AMPH: variants seen among roughly 807,000 people sequenced by gnomAD.
AMPH encodes amphiphysin (Stiff-Mann syndrome with breast cancer 128kD autoantigen).
A neutral mutation model predicts 99.1 loss-of-function variants in AMPH; 49 were observed. The observed-to-expected ratio is 0.49, with a 90% CI of 0.39 to 0.63. The LOEUF is 0.63. AMPH is among the 20% of genes least tolerant of loss of function. AMPH has a pLI of 0.00. For missense variants in AMPH, 759 were observed against 863.4 expected, an observed-to-expected ratio of 0.88 and a Z score of 1.52; for synonymous variants, 314 against 317.3, an observed-to-expected ratio of 0.99 and a Z score of 0.11.
intron 1 of AMPH, among the ~76,000 whole-genome samples, chr7:38,573,827 A>G (rs1792134920): frequency 6.6e-6 from 1 of 152,210 alleles, no homozygotes; most frequent in Admixed American, 6.5e-5. Flanking sequence ...TGTGCCAAAT[A>G]TTGTTTTAGA....
At chr7:38,457,960 ATG>A (rs1787296863) in intron 11 of AMPH, among the ~76,000 whole-genome samples, 1 of 152,154 alleles carries the variant, frequency 6.6e-6, no homozygotes, top group African/African-American at 2.4e-5. Context: ...TCACATATAT[ATG>A]TCATACAATG....
chr7:38,451,148 C>A (rs1786998963), intron 11 of AMPH, among the ~76,000 whole-genome samples: 1 of 151,584 alleles, frequency 6.6e-6, no homozygotes, highest in Non-Finnish European at 1.5e-5. Flanking sequence ...CTGCTTTGGC[C>A]TCCCAAAGTG....
chr7:38,558,967 A>G (rs1251478073), intron 1 of AMPH, among the ~76,000 whole-genome samples: 1 of 152,242 alleles, frequency 6.6e-6, no homozygotes, highest in Non-Finnish European at 1.5e-5. Context: ...GCAACATACC[A>G]AACAGGAAAC....
At chr7:38,432,532 A>C (rs1443754877) in intron 12 of AMPH, among the ~76,000 whole-genome samples, 1 of 151,920 alleles carries the variant, frequency 6.6e-6, no homozygotes, top group Non-Finnish European at 1.5e-5. Context: ...ATCAATCTCA[A>C]CTTTCACTAT....
At chr7:38,408,471 C>A (rs1397744461) in intron 17 of AMPH, among the ~76,000 whole-genome samples, 1 of 152,114 alleles carries the variant, frequency 6.6e-6, no homozygotes, top group Non-Finnish European at 1.5e-5. Context: ...AATTTCTCCA[C>A]ATTACTTAGG....
chr7:38,553,837 C>A (rs1464761279), intron 1 of AMPH, among the ~76,000 whole-genome samples: 1 of 152,210 alleles, frequency 6.6e-6, no homozygotes, highest in Non-Finnish European at 1.5e-5. Context: ...ACCCTGCAGG[C>A]TAAAAAAGAG....
At position 38,390,961 on chromosome 7, in the gene AMPH, C is replaced by CAGAGAGAGAG. The variant is rs199667568; in HGVS notation, c.1878+777_1878+786dup. Among the ~76,000 whole-genome samples the CAGAGAGAGAG allele has an allele frequency of 4.3e-4, 55 of 129,268 alleles. 1 individual carries two copies. The highest frequency in any genetic ancestry group is 2.3e-3 in the South Asian group (8 of 3,494). The allele number at this position is 129,268 out of a possible 152,430, so 84.8% of individuals were successfully genotyped here. On this transcript the variant is annotated intron_variant, in intron 19 of 20. Transcript: ENST00000356264. ...ACTTTCTAATGGAGAGAGACAAAGA[C>CAGAGAGAGAG]AGAGAGAGAGAGAGAGAGAGAGAGA...
chr7:38,581,623 G>A (rs1792467737), intron 1 of AMPH, among the ~76,000 whole-genome samples: 1 of 152,206 alleles, frequency 6.6e-6, no homozygotes, highest in Admixed American at 6.5e-5. Context: ...ACTGATGGCT[G>A]TGTGAAGAAG....
intron 2 of AMPH, among the ~76,000 whole-genome samples, chr7:38,526,433 C>CTTTTTT (rs33974810): frequency 0.013 from 924 of 72,570 alleles, 145 homozygotes; most frequent in African/African-American, 0.048. Context: ...CCATGCCCGG[C>CTTTTTT]TTTTTTTTTT....
intron 1 of AMPH, among the ~76,000 whole-genome samples, chr7:38,555,055 C>G (rs1197655477): frequency 6.6e-6 from 1 of 152,140 alleles, no homozygotes; most frequent in Non-Finnish European, 1.5e-5. Context: ...GAAAGAAACC[C>G]TTTCCTTGAA....
At chr7:38,521,619 C>T (rs1273964240) in intron 2 of AMPH, among the ~76,000 whole-genome samples, 1 of 151,850 alleles carries the variant, frequency 6.6e-6, no homozygotes, top group African/African-American at 2.4e-5. Context: ...TTGAGTAGAA[C>T]ATACCCCTCC....
intron 11 of AMPH, among the ~76,000 whole-genome samples, chr7:38,459,962 C>T (rs1787378610): frequency 6.6e-6 from 1 of 151,862 alleles, no homozygotes; most frequent in Non-Finnish European, 1.5e-5. Flanking sequence ...GAATAATATT[C>T]AGAATGTACA....
At chr7:38,610,919 A>C (rs984491106) in intron 1 of AMPH, among the ~76,000 whole-genome samples, 37 of 152,218 alleles carry the variant, frequency 2.4e-4, no homozygotes, top group Non-Finnish European at 1.0e-4. Context: ...TGGTACCCAG[A>C]CATTAGATCA....
At chr7:38,475,467 C>T (rs1259547368) in intron 6 of AMPH, 51 bp from the exon 7 acceptor site, 3 of 1,167,982 alleles carry the variant, frequency 2.6e-6, no homozygotes, top group Admixed American at 1.8e-5. Flanking sequence ...CATTTCTATA[C>T]ACAACAGCAT....
At chr7:38,498,727 A>G (rs186663550) in intron 3 of AMPH, among the ~76,000 whole-genome samples, 1 of 152,314 alleles carries the variant, frequency 6.6e-6, no homozygotes, top group Non-Finnish European at 1.5e-5. Context: ...ATTTTTCTAA[A>G]ATGCTAATCT....
At chr7:38,599,556 G>C (rs1173608666) in intron 1 of AMPH, among the ~76,000 whole-genome samples, 2 of 152,130 alleles carry the variant, frequency 1.3e-5, no homozygotes, top group Non-Finnish European at 2.9e-5. Context: ...TTAACAGTAG[G>C]CTATTAGTAA....
At chr7:38,536,423 CA>C (rs1790601832) in intron 1 of AMPH, among the ~76,000 whole-genome samples, 1 of 152,090 alleles carries the variant, frequency 6.6e-6, no homozygotes, top group Non-Finnish European at 1.5e-5. Context: ...AGTAGTTACC[CA>C]ATAAGTCAGA....
chr7:38,522,230 T>G (rs1202437116), intron 2 of AMPH, among the ~76,000 whole-genome samples: 1 of 152,232 alleles, frequency 6.6e-6, no homozygotes, highest in East Asian at 1.9e-4. Context: ...CTCGCTAAGT[T>G]AATATGGCCA....
intron 1 of AMPH, among the ~76,000 whole-genome samples, chr7:38,597,613 T>G (rs1040781735): frequency 2.0e-5 from 3 of 152,124 alleles, no homozygotes; most frequent in Admixed American, 2.0e-4. Flanking sequence ...AAATAGATTT[T>G]TATCAACTCT....
Sources: allele counts gnomAD v4.1 joint callset (sites outside exome capture counted in the v4.1 genomes callset), GRCh38; gene constraint gnomAD v4.1.1; transcripts MANE v1.5; gene names NCBI Gene and HGNC (gene_info 2026-07-23, HGNC 2026-07-21).